The following SBSPON variants were observed in gnomAD, a reference collection of about 807,000 sequenced individuals.
SBSPON encodes somatomedin B and thrombospondin type 1 domain containing, also known as somatomedin-B and thrombospondin type-1 domain-containing protein.
In SBSPON, 30 loss-of-function variants were observed where a neutral mutation model predicts 35.8. The observed-to-expected ratio is 0.84, with a 90% CI of 0.63 to 1.14. The LOEUF is 1.14. Among genes scored for constraint, SBSPON ranks in the 50% most tolerant of loss-of-function variants. SBSPON has a pLI of 0.00. For synonymous variants in SBSPON, 136 were observed against 135.9 expected (o/e 1.00, Z 0.00); for missense variants, 364 against 357.7 (o/e 1.02, Z -0.14).
intron 1 of SBSPON, among the ~76,000 whole-genome samples, chr8:73,081,917 C>G (rs770792389): frequency 2.0e-5 from 3 of 152,184 alleles, no homozygotes; most frequent in African/African-American, 7.2e-5. Flanking sequence ...CAGTGTCAGG[C>G]CAAGAATCTG....
At chr8:73,088,876 T>C (rs1810882629) in intron 1 of SBSPON, among the ~76,000 whole-genome samples, 1 of 152,230 alleles carries the variant, frequency 6.6e-6, no homozygotes, top group East Asian at 1.9e-4. Context: ...TCATTGGTGT[T>C]AGCTTGAGTA....
In SBSPON at chr8:73,080,447, A is replaced by G. The variant is rs902383759; in HGVS notation, c.409+572T>C. 1.3e-5 allele frequency among the ~76,000 whole-genome samples: 2 copies of G among 152,114 alleles called. 1 individual carries two copies. On this transcript the variant is annotated intron_variant, in intron 2 of 4. Transcript: ENST00000297354. ...GAAGAATGGCGTGAACCCAGGAGGC[A>G]GAGCTTGCAGTGAGCCGAGATCATG...
intron 1 of SBSPON, among the ~76,000 whole-genome samples, chr8:73,083,118 T>C (rs75718918): frequency 0.095 from 14,420 of 152,294 alleles, 1,040 homozygotes; most frequent in Admixed American, 0.19. Flanking sequence ...TCTTGTCTAG[T>C]ATTTGTTTCT....
intron 2 of SBSPON, among the ~76,000 whole-genome samples, chr8:73,073,905 A>T (rs531595571): frequency 6.6e-6 from 1 of 151,944 alleles, no homozygotes; most frequent in African/African-American, 2.4e-5. Flanking sequence ...CTGCACTGAC[A>T]TGTTTAATTG....
chr8:73,089,332 T>A (rs1232765104), intron 1 of SBSPON, among the ~76,000 whole-genome samples: 1 of 152,174 alleles, frequency 6.6e-6, no homozygotes, highest in African/African-American at 2.4e-5. Flanking sequence ...GGCAGGTGGA[T>A]CACTTGAGGT....
At chr8:73,077,122 T>G (rs1056348675) in intron 2 of SBSPON, among the ~76,000 whole-genome samples, 2 of 152,148 alleles carry the variant, frequency 1.3e-5, no homozygotes, top group African/African-American at 4.8e-5. Context: ...GTCAGTCTGG[T>G]CTCGAACTCC....
chr8:73,091,673 G>C (rs1186817516), intron 1 of SBSPON, among the ~76,000 whole-genome samples: 3 of 152,160 alleles, frequency 2.0e-5, no homozygotes, highest in Non-Finnish European at 4.4e-5. Flanking sequence ...TCTGAACTTA[G>C]AGCCAGAAAG....
At chr8:73,090,978 T>C (rs778601753) in intron 1 of SBSPON, among the ~76,000 whole-genome samples, 6 of 152,200 alleles carry the variant, frequency 3.9e-5, no homozygotes, top group Non-Finnish European at 2.9e-5. Context: ...GGTTTTCCAA[T>C]TCCTGGGAGC....
intron 3 of SBSPON, 27 bp downstream of exon 3, chr8:73,071,753 T>TAAA (rs3830249): frequency 3.6e-4 from 460 of 1,286,906 alleles, no homozygotes; most frequent in East Asian, 2.1e-3. Flanking sequence ...AAAACATGAT[T>TAAA]AAAAAAAAAA....
At chr8:73,086,113 A>G (rs1040987829) in intron 1 of SBSPON, among the ~76,000 whole-genome samples, 1 of 151,776 alleles carries the variant, frequency 6.6e-6, no homozygotes, top group African/African-American at 2.4e-5. Flanking sequence ...CCCAACACCC[A>G]CACATGCACA....
intron 1 of SBSPON, among the ~76,000 whole-genome samples, chr8:73,082,530 A>T (rs969861360): frequency 2.6e-5 from 4 of 152,248 alleles, no homozygotes; most frequent in Admixed American, 6.5e-5. Context: ...CAGTAATTTT[A>T]AAATTTCCAT....
At chr8:73,081,719 C>A (rs1048968443) in intron 1 of SBSPON, among the ~76,000 whole-genome samples, 2 of 152,138 alleles carry the variant, frequency 1.3e-5, no homozygotes, top group Admixed American at 1.3e-4. Context: ...TTCTTCTCAG[C>A]AAATGTGTCT....
At chr8:73,079,617 C>G (rs1484350297) in intron 2 of SBSPON, among the ~76,000 whole-genome samples, 1 of 152,084 alleles carries the variant, frequency 6.6e-6, no homozygotes, top group Non-Finnish European at 1.5e-5. Flanking sequence ...CCACATACCT[C>G]AGCTCCATCT....
At chr8:73,081,614 C>G (rs2130022210) in intron 1 of SBSPON, among the ~76,000 whole-genome samples, 1 of 151,334 alleles carries the variant, frequency 6.6e-6, no homozygotes, top group Middle Eastern at 3.4e-3. Context: ...TATAACAAGA[C>G]ATTCTCATCA....
intron 2 of SBSPON, among the ~76,000 whole-genome samples, chr8:73,073,173 T>C (rs151311636): frequency 0.011 from 1,682 of 152,350 alleles, 21 homozygotes; most frequent in Non-Finnish European, 0.013. Flanking sequence ...AGTGAGTGAA[T>C]GAATGAGGTC....
At chr8:73,091,527 A>G (rs1270763192) in intron 1 of SBSPON, among the ~76,000 whole-genome samples, 1 of 152,110 alleles carries the variant, frequency 6.6e-6, no homozygotes, top group Non-Finnish European at 1.5e-5. Flanking sequence ...CATGAGAGAG[A>G]GGCTTTGCTT....
At chr8:73,088,786 G>A (rs1810881370) in intron 1 of SBSPON, among the ~76,000 whole-genome samples, 1 of 152,186 alleles carries the variant, frequency 6.6e-6, no homozygotes, top group Non-Finnish European at 1.5e-5. Flanking sequence ...ATTTATCTAG[G>A]AATAAGTAAT....
intron 1 of SBSPON, among the ~76,000 whole-genome samples, chr8:73,082,237 AT>A (rs1247529088): frequency 5.9e-5 from 9 of 152,242 alleles, no homozygotes; most frequent in African/African-American, 2.2e-4. Context: ...CAACTTTTAA[AT>A]TGAATTATTT....
intron 2 of SBSPON, among the ~76,000 whole-genome samples, chr8:73,079,017 A>T (rs797010822): frequency 1.3e-5 from 2 of 152,286 alleles, no homozygotes; most frequent in South Asian, 2.1e-4. Flanking sequence ...AGAGCCAAAG[A>T]TGCTTATTCC....
Sources: gnomAD v4.1 joint callset for allele counts (sites outside exome capture counted in the v4.1 genomes callset) on GRCh38, gnomAD v4.1.1 for gene constraint, MANE v1.5 for transcripts, NCBI Gene and HGNC (gene_info 2026-07-23, HGNC 2026-07-21) for gene names.